MYO15A: variants seen among roughly 807,000 people sequenced by gnomAD.
The protein encoded by MYO15A is unconventional myosin-XV.
Under a neutral mutation model 394.6 loss-of-function variants are expected in MYO15A, and 308 were observed. The ratio of observed to expected loss-of-function variants is 0.78; its 90% confidence interval spans 0.71 to 0.86. The LOEUF (loss-of-function observed/expected upper bound fraction) is 0.86. Ranked by LOEUF, MYO15A falls within the 40% of genes least tolerant of loss-of-function variation. The pLI is 0.00. For missense variants in MYO15A, 4,606 were observed against 4,799.1 expected (o/e 0.96, Z 1.19); for synonymous variants, 1,957 against 2,003.8 (o/e 0.98, Z 0.62).
rs757150793 is a variant in MYO15A at position 18,159,304 on chromosome 17, C to G, written c.9186C>G (p.Leu3062=). 1.9e-6 allele frequency: 3 copies of G among 1,614,218 alleles called. No individual in the cohort carries two copies. The highest frequency in any genetic ancestry group is 8.5e-7 in the Non-Finnish European group (1 of 1,180,032). ...CCCTCCAGGAATCCCTCATCGAACT[C>G]AGCGACAGCAGCCTCAGCAAGATGG... The part of the protein sequence containing the change: ...KTPLQESLIE[L]SDSSLSKMAT... The change falls in exon 54 of 66, where the codon CTC becomes CTG. Residue 3062 remains leucine (L), a synonymous_variant. Coordinates refer to ENST00000647165, the MANE Select transcript of MYO15A (RefSeq NM_016239.4).
At chr17:18,130,687 C>A in intron 7 of MYO15A, 118 bp from the exon 8 acceptor site, 1 of 1,562,912 alleles carries the variant, frequency 6.4e-7, no homozygotes, top group Non-Finnish European at 8.7e-7. Flanking sequence ...CAGGTTTTTA[C>A]TAGTCCCTCC....
chr17:18,136,695 G>C lies in MYO15A; in HGVS notation c.4779+9G>C, dbSNP rs183256997. On this transcript the variant is annotated intron_variant, in intron 15 of 65. Coordinates refer to ENST00000647165, the MANE Select transcript of MYO15A (RefSeq NM_016239.4). ...ACATCTATGGTTTCGAGGTGGGGCCGTGTAGGAGGCTGAGGGGCGGGGGAC... is the reference window on the plus strand; with the variant it reads ...ACATCTATGGTTTCGAGGTGGGGCCCTGTAGGAGGCTGAGGGGCGGGGGAC... The C allele has an allele frequency of 1.0e-5, 16 of 1,593,412 alleles. No individual in the cohort carries two copies. Among genetic ancestry groups the C allele is most frequent in the African/African-American group, 1.3e-5 (1 of 74,686 alleles).
rs1468470886 is a variant in MYO15A at position 18,130,706 on chromosome 17, A to C, written c.4033-99A>C. On this transcript the variant is annotated intron_variant, in intron 7 of 65. Transcript: ENST00000647165. ...TTTTTACTAGTCCCTCCCTGGTCTG[A>C]GGCTCCTAGTCTCCTGGAGAGAGTG... 10 of 1,600,028 alleles carry C rather than the reference A, an allele frequency of 6.2e-6. No homozygotes were observed. The East Asian group carries it at 2.2e-4, about 36-fold the overall frequency.
At position 18,120,031 on chromosome 17, in the gene MYO15A, T is replaced by TACCCC; in HGVS notation, c.1232_1236dup (p.Trp413ThrfsTer33). On this transcript the variant is annotated frameshift_variant, in exon 2 of 66. Coordinates refer to ENST00000647165, the MANE Select transcript of MYO15A (RefSeq NM_016239.4). LOFTEE classifies it high-confidence loss of function. ...GGAGGAGTCGGCTTCGGCCTTTGTG[T>TACCCC]ACCCCTGGGTACCACCGCCCATCCC... 1 of 1,613,602 alleles carries TACCCC rather than the reference T, an allele frequency of 6.2e-7. No individual in the cohort carries two copies. Among genetic ancestry groups the TACCCC allele is most frequent in the Non-Finnish European group, 8.5e-7 (1 of 1,179,996 alleles).
chr17:18,131,125 T>G, intron 8 of MYO15A, 114 bp from the exon 9 acceptor site: 1 of 966,282 alleles, frequency 1.0e-6, no homozygotes, highest in Non-Finnish European at 1.6e-6. Context: ...TCATCTCTCA[T>G]AAAGGGAGGT....
In MYO15A at chr17:18,120,110, A is replaced by T; in HGVS notation, c.1310A>T (p.Glu437Val). 1 of 1,612,546 alleles carries T rather than the reference A, an allele frequency of 6.2e-7. No homozygotes were observed. The highest frequency in any genetic ancestry group is 8.5e-7 in the Non-Finnish European group (1 of 1,179,510). Residue 437 changes from glutamate to valine, a missense_variant, in exon 2 of 66, where the codon GAA (glutamate) becomes GTA (valine). Coordinates refer to ENST00000647165, the MANE Select transcript of MYO15A (RefSeq NM_016239.4). ...HAMDDIAELE[E>V]PEDAGVERQG... ...ATGGATGACATCGCCGAGCTGGAGG[A>T]ACCAGAGGACGCGGGCGTAGAGCGT...
chr17:18,108,999 A>G (rs2045688695), intron 1 of MYO15A, 175 bp downstream of exon 1: 1 of 152,406 alleles, frequency 6.6e-6, no homozygotes, highest in African/African-American at 2.4e-5. Context: ...ATGCCCATGC[A>G]GTCCCCTCCT....
Position 18,120,357 on chromosome 17 carries a change from G to GC in MYO15A, c.1562dup (p.Val522GlyfsTer39), listed in dbSNP as rs761219220. On this transcript the variant is annotated frameshift_variant, in exon 2 of 66. Coordinates refer to ENST00000647165, the MANE Select transcript of MYO15A (RefSeq NM_016239.4). LOFTEE classifies it high-confidence loss of function. ...ACGAAGAAGAGGACGAGGAGGAGCT[G>GC]CCCCCGGTTTCCGCTGTGCCCTACG... The GC allele has an allele frequency of 1.2e-6, 2 of 1,612,130 alleles. No homozygotes were observed. Among genetic ancestry groups the GC allele is most frequent in the Admixed American group, 1.7e-5 (1 of 60,010 alleles).
intron 56 of MYO15A, chr17:18,160,756 C>A (rs1419173948): frequency 4.6e-6 from 1 of 215,876 alleles, no homozygotes; most frequent in African/African-American, 2.3e-5. Context: ...ACAAATGAAA[C>A]CCTCACACCC....
chr17:18,144,698 C>A, intron 29 of MYO15A, 106 bp downstream of exon 29: 1 of 1,006,036 alleles, frequency 9.9e-7, no homozygotes, highest in Non-Finnish European at 1.5e-6. Context: ...AACCCATGAG[C>A]CCCACACCTC....
At chr17:18,171,190 C>T (rs2046935887) in intron 62 of MYO15A, among the ~76,000 whole-genome samples, 1 of 152,178 alleles carries the variant, frequency 6.6e-6, no homozygotes, top group African/African-American at 2.4e-5. Context: ...GCCTGGAGGC[C>T]CAGCACTCCT....
chr17:18,154,885 C>T, intron 45 of MYO15A, 130 bp downstream of exon 45: 2 of 1,117,658 alleles, frequency 1.8e-6, no homozygotes, highest in Non-Finnish European at 2.6e-6. Context: ...CCTTGCTCTG[C>T]TTCTCTGGCC....
chr17:18,165,745 G>C (rs1412363597), intron 60 of MYO15A, among the ~76,000 whole-genome samples: 1 of 152,230 alleles, frequency 6.6e-6, no homozygotes, highest in Non-Finnish European at 1.5e-5. Context: ...CAGTCACACA[G>C]TGGTAATCAT....
rs138547046 is a variant in MYO15A, at chr17:18,125,510, C to T, written c.3756+279C>T. ...GAGATCGAGACCATCCTGGTTAACA[C>T]GGTGAAACCCCCTCTCTACTAAAAA... On this transcript the variant is annotated intron_variant, in intron 4 of 65. Coordinates refer to ENST00000647165, the MANE Select transcript of MYO15A (RefSeq NM_016239.4). 7.8e-3 allele frequency: 3,287 copies of T among 422,898 alleles called. 93 individuals carry two copies. In the East Asian group the frequency reaches 0.091, roughly 12 times the overall value. The allele number at this position is 422,898 out of a possible 1,614,324, so 26.2% of individuals were successfully genotyped here. A position where few individuals can be genotyped will look rare whatever the true frequency, so the allele number is the denominator to read the frequency against.
chr17:18,121,220 AGCC>A lies in MYO15A; in HGVS notation c.2424_2426del (p.Pro809del), dbSNP rs780754621. ...CTGTCCTTGCGCACGGGCCCCTTCCAGCCGCCCTTCCTGCCCCCGGCCCGCCGG... is the reference window on the plus strand; with the variant it reads ...CTGTCCTTGCGCACGGGCCCCTTCCAGCCCTTCCTGCCCCCGGCCCGCCGG... On this transcript the variant is annotated inframe_deletion, in exon 2 of 66. Transcript: ENST00000647165. This position sits in a 1 kb window ranked among gnomAD's most constrained non-coding sequence, Gnocchi z 5.3. The A allele has an allele frequency of 2.7e-6, 4 of 1,492,962 alleles. No individual in the cohort carries two copies. In the South Asian group the frequency reaches 5.0e-5, roughly 19 times the overall value. The allele number at this position is 1,492,962 out of a possible 1,614,324, so 92.5% of individuals were successfully genotyped here.
At position 18,144,450 on chromosome 17, in the gene MYO15A, C is replaced by G. The variant is rs779438778; in HGVS notation, c.6178-47C>G. ...GCACAGAGCAGTGGGTCCAGATGTG[C>G]CTGTCAGTCCAGCTCTGTCTGCTCA... is the stretch of plus-strand genomic sequence containing the variant. On this transcript the variant is annotated intron_variant, in intron 28 of 65. Coordinates refer to ENST00000647165, the MANE Select transcript of MYO15A (RefSeq NM_016239.4). 7 of 1,445,276 alleles carry G rather than the reference C, an allele frequency of 4.8e-6. No homozygotes were observed. In the African/African-American group the frequency reaches 1.5e-4, roughly 31 times the overall value. The allele number at this position is 1,445,276 out of a possible 1,614,324, so 89.5% of individuals were successfully genotyped here. A position where few individuals can be genotyped will look rare whatever the true frequency, so the allele number is the denominator to read the frequency against.
intron 28 of MYO15A, 76 bp from the exon 29 acceptor site, chr17:18,144,421 T>C (rs1167543156): frequency 1.5e-6 from 2 of 1,324,762 alleles, no homozygotes; most frequent in African/African-American, 2.9e-5. Flanking sequence ...TGGAGCCCCA[T>C]GTGGCACAGA....
At chr17:18,111,365 A>C (rs951650667) in intron 1 of MYO15A, among the ~76,000 whole-genome samples, 7 of 133,496 alleles carry the variant, frequency 5.2e-5, no homozygotes, top group African/African-American at 1.1e-4. Flanking sequence ...AAAAAAAAAA[A>C]ACAAAGTCTG....
At chr17:18,134,301 TA>T (rs1469051614) in intron 12 of MYO15A, among the ~76,000 whole-genome samples, 9 of 152,250 alleles carry the variant, frequency 5.9e-5, no homozygotes, top group Non-Finnish European at 2.9e-5. Context: ...TTGGGTTTTT[TA>T]TGCAAATTGT....
Sources: allele counts gnomAD v4.1 joint callset (sites outside exome capture counted in the v4.1 genomes callset), GRCh38; gene constraint gnomAD v4.1.1; non-coding constraint Gnocchi (gnomAD v3.1); transcripts MANE v1.5; gene names NCBI Gene and HGNC (gene_info 2026-07-23, HGNC 2026-07-21).